DUSP15: variants seen among roughly 807,000 people sequenced by gnomAD.
The protein encoded by DUSP15 is dual specificity protein phosphatase 15.
Under a neutral mutation model 26.3 loss-of-function variants are expected in DUSP15, and 23 were observed. The observed-to-expected ratio is 0.87, with a 90% CI of 0.63 to 1.24. The LOEUF is 1.24. Among genes scored for constraint, DUSP15 ranks in the 50% most tolerant of loss-of-function variants. DUSP15 has a pLI of 0.00. For synonymous variants in DUSP15, 143 were observed against 135.5 expected (o/e 1.06, Z -0.39); for missense variants, 364 against 320.6 (o/e 1.14, Z -1.03).
exon 10 of DUSP15, chr20:31,848,227 G>C (rs576653226): frequency 8.6e-6 from 5 of 578,606 alleles, no homozygotes; most frequent in Non-Finnish European, 1.4e-5. Context: ...TGCCCAGCTG[G>C]GGGGCGGTGT....
downstream of DUSP15, among the ~76,000 whole-genome samples, chr20:31,858,402 G>T (rs574505755): frequency 6.6e-6 from 1 of 152,188 alleles, no homozygotes; most frequent in East Asian, 1.9e-4. This position sits in a 1 kb window ranked among gnomAD's most constrained non-coding sequence, Gnocchi z 4.4. Context: ...CTCAACCCAC[G>T]TGGGCCTGGG....
At chr20:31,847,319 G>A (rs923637423), downstream of DUSP15, among the ~76,000 whole-genome samples, 2 of 152,128 alleles carry the variant, frequency 1.3e-5, no homozygotes, top group African/African-American at 2.4e-5. Context: ...CAGGGGTAGC[G>A]GAGAGTCGCT....
Position 31,870,371 on chromosome 20 carries a change from G to A in DUSP15, c.-34C>T. ...GGGCGGCGGTCCGGGTGCACCCCCA[G>A]CTCGCCGCCCGGGAAGCGATCCGGT... On this transcript the variant is annotated 5_prime_UTR_variant, in exon 1 of 7. Coordinates refer to ENST00000339738, the MANE Select transcript of DUSP15 (RefSeq NM_080611.5). The surrounding 1 kb of genome is among the most constrained non-coding windows in gnomAD (Gnocchi z 6.6). The A allele has an allele frequency of 7.8e-7, 1 of 1,278,808 alleles. No homozygotes were observed. Among genetic ancestry groups the A allele is most frequent in the Non-Finnish European group, 9.9e-7 (1 of 1,013,220 alleles). 79.2% of individuals were successfully genotyped at this position (1,278,808 alleles called of 1,614,324 possible).
At chr20:31,858,988 T>C (rs1242807284), downstream of DUSP15, among the ~76,000 whole-genome samples, 2 of 152,216 alleles carry the variant, frequency 1.3e-5, no homozygotes, top group African/African-American at 4.8e-5. The surrounding 1 kb of genome is among the most constrained non-coding windows in gnomAD (Gnocchi z 4.4). Context: ...CGACTGCTCA[T>C]CAGTGCTGGG....
chr20:31,852,726 G>T (rs2062492060), intron 6 of DUSP15, among the ~76,000 whole-genome samples: 1 of 152,166 alleles, frequency 6.6e-6, no homozygotes, highest in African/African-American at 2.4e-5. Flanking sequence ...CAGGAGAATC[G>T]CTTGAACCTG....
intron 7 of DUSP15, chr20:31,849,936 T>A: frequency 1.4e-6 from 2 of 1,415,650 alleles, no homozygotes; most frequent in Non-Finnish European, 1.8e-6. Flanking sequence ...CTCGCCTTCT[T>A]ACCCTCCCCT....
At chr20:31,862,509 G>C in intron 6 of DUSP15, 62 bp downstream of exon 6, 1 of 1,514,092 alleles carries the variant, frequency 6.6e-7, no homozygotes, top group South Asian at 1.3e-5. Context: ...TCAGTGATCA[G>C]TTCGAGTGGG....
chr20:31,850,207 C>T (rs537943874), intron 7 of DUSP15, among the ~76,000 whole-genome samples: 79 of 152,296 alleles, frequency 5.2e-4, no homozygotes, highest in Non-Finnish European at 2.2e-4. Flanking sequence ...ATAACCATAA[C>T]AGCGACAATA....
At chr20:31,851,412 T>C (rs1600436678) in intron 6 of DUSP15, among the ~76,000 whole-genome samples, 1 of 150,282 alleles carries the variant, frequency 6.7e-6, no homozygotes, top group African/African-American at 2.5e-5. Context: ...GAGCCGGAGG[T>C]GATGGAGCTG....
chr20:31,848,386 C>A (rs779610844), exon 10 of DUSP15: 1 of 1,608,204 alleles, frequency 6.2e-7, no homozygotes, highest in Non-Finnish European at 8.5e-7. Context: ...TAGGGAGCCC[C>A]CCTGTTGGGG....
chr20:31,862,442 A>G (rs1049320459), intron 6 of DUSP15, 129 bp downstream of exon 6: 5 of 1,104,958 alleles, frequency 4.5e-6, no homozygotes, highest in Non-Finnish European at 5.1e-6. Flanking sequence ...CTCAAAGGCC[A>G]TGAGTTTGAG....
Position 31,861,678 on chromosome 20 carries a change from G to A in DUSP15, c.436-3C>T. On this transcript the variant is annotated splice_polypyrimidine_tract_variant and splice_region_variant and intron_variant, in intron 6 of 6. Transcript: ENST00000339738. ...CGCTCCTCCAGCTGCCGGCGAAGCT[G>A]GGGTGGGCGGGTGAGGTGGGCGGGG... 1.4e-6 allele frequency: 2 copies of A among 1,465,672 alleles called. No individual in the cohort carries two copies. The highest frequency in any genetic ancestry group is 1.8e-6 in the Non-Finnish European group (2 of 1,117,742). 90.8% of individuals were successfully genotyped at this position (1,465,672 alleles called of 1,614,324 possible). A position where few individuals can be genotyped will look rare whatever the true frequency, so the allele number is the denominator to read the frequency against.
intron 8 of DUSP15, chr20:31,849,042 T>C: frequency 1.5e-6 from 1 of 671,716 alleles, no homozygotes. Context: ...GCCTGTACCC[T>C]AGGCCCACTT....
chr20:31,861,452 T>G lies in DUSP15; in HGVS notation c.659A>C (p.Gln220Pro), dbSNP rs755777151. ...ACACCGGGGGAGGCAAGAGAAAGTCTGCTTGACGCGCGCCAGCAGCGGCAG... is the reference window on the plus strand; with the variant it reads ...ACACCGGGGGAGGCAAGAGAAAGTCGGCTTGACGCGCGCCAGCAGCGGCAG... ...RPLPLLARVK[Q>P]TFSCLPRCLS... Residue 220 changes from glutamine (Q) to proline (P), a missense_variant, in exon 7 of 7, where the codon CAG becomes CCG. Gln to Pro is a moderately conservative substitution (Grantham distance 76, BLOSUM62 -1). Transcript: ENST00000339738. 26 of 1,557,914 alleles carry G rather than the reference T, an allele frequency of 1.7e-5. No individual in the cohort carries two copies. Among genetic ancestry groups the G allele is most frequent in the Non-Finnish European group, 1.8e-5 (21 of 1,162,472 alleles).
intron 6 of DUSP15, among the ~76,000 whole-genome samples, 185 bp downstream of exon 6, chr20:31,862,386 G>A (rs377367322): frequency 6.6e-6 from 1 of 152,146 alleles, no homozygotes; most frequent in Admixed American, 6.5e-5. Context: ...AATTGAAAAA[G>A]AAAACACCTG....
intron 7 of DUSP15, chr20:31,850,017 GTGA>G (rs2062441776): frequency 1.1e-6 from 1 of 918,798 alleles, no homozygotes; most frequent in Non-Finnish European, 1.6e-6. Context: ...CTCCCTATCA[GTGA>G]TGATAAGAAT....
Position 31,861,415 on chromosome 20 carries a change from C to G in DUSP15, c.696G>C (p.Lys232Asn). The G allele has an allele frequency of 6.4e-7, 1 of 1,558,690 alleles. No homozygotes were observed. Among genetic ancestry groups the G allele is most frequent in the Non-Finnish European group, 8.6e-7 (1 of 1,162,578 alleles). The change falls in exon 7 of 7, where the codon AAG (lysine) becomes AAC (asparagine). Residue 232 changes from lysine to asparagine, a missense_variant. Coordinates refer to ENST00000339738, the MANE Select transcript of DUSP15 (RefSeq NM_080611.5). ...CTGGACTGCATCCTCACTTGCCGCC[C>G]TTGCGGGACAGACACCGGGGGAGGC... Reference protein sequence around the residue: ...FSCLPRCLSRKGGK With the variant: ...FSCLPRCLSRNGGK
exon 10 of DUSP15, chr20:31,848,388 CT>C: frequency 6.2e-7 from 1 of 1,608,580 alleles, no homozygotes; most frequent in African/African-American, 1.3e-5. Flanking sequence ...GGGAGCCCCC[CT>C]GTTGGGGGCT....
At chr20:31,848,603 AT>A in intron 9 of DUSP15, 1 of 1,522,376 alleles carries the variant, frequency 6.6e-7, no homozygotes, top group Non-Finnish European at 8.8e-7. Context: ...GACCCTCTCC[AT>A]TTCCCGCCTC....
Sources: gnomAD v4.1 joint callset for allele counts (sites outside exome capture counted in the v4.1 genomes callset) on GRCh38, gnomAD v4.1.1 for gene constraint, Gnocchi (gnomAD v3.1) non-coding constraint, MANE v1.5 for transcripts, NCBI Gene and HGNC (gene_info 2026-07-23, HGNC 2026-07-21) for gene names.